The following BBS9 variants were observed in gnomAD, a reference collection of about 807,000 sequenced individuals.
BBS9 encodes the protein Bardet-Biedl syndrome 9.
BBS9 carries 89 observed loss-of-function variants against 117.7 expected under a neutral mutation model. That is an observed-to-expected ratio of 0.76 (90% CI 0.64 to 0.90). The LOEUF (loss-of-function observed/expected upper bound fraction) is 0.90. BBS9 is among the 40% of genes least tolerant of loss of function. The probability of loss-of-function intolerance (pLI) is 0.00; values close to 1 mark genes in which losing one functional copy is unlikely to be tolerated. For missense variants in BBS9, 982 were observed against 1,042.2 expected (o/e 0.94, Z 0.80); for synonymous variants, 379 against 370.9 (o/e 1.02, Z -0.25).
chr7:33,429,501 T>A (rs940626424), intron 19 of BBS9, among the ~76,000 whole-genome samples: 1 of 152,184 alleles, frequency 6.6e-6, no homozygotes, highest in Non-Finnish European at 1.5e-5. Flanking sequence ...ATACCACATT[T>A]AAGTGTGGTG....
At chr7:33,561,491 G>A (rs1399360843) in intron 21 of BBS9, among the ~76,000 whole-genome samples, 1 of 152,182 alleles carries the variant, frequency 6.6e-6, no homozygotes, top group East Asian at 1.9e-4. Context: ...TGAGTTGACA[G>A]AAACGATAAA....
chr7:33,261,275 A>G (rs906266961), intron 6 of BBS9, among the ~76,000 whole-genome samples: 14 of 152,124 alleles, frequency 9.2e-5, no homozygotes, highest in Non-Finnish European at 2.1e-4. Context: ...CTGATAGTAA[A>G]CATTTGTTTT....
chr7:33,421,179 A>AT (rs397962607), intron 19 of BBS9, among the ~76,000 whole-genome samples: 7,972 of 146,468 alleles, frequency 0.054, 234 homozygotes, highest in East Asian at 0.14. Flanking sequence ...AGGATTTTTA[A>AT]TTTTTTTTTT....
At chr7:33,519,911 A>G (rs1848352491) in intron 20 of BBS9, among the ~76,000 whole-genome samples, 1 of 152,190 alleles carries the variant, frequency 6.6e-6, no homozygotes. Flanking sequence ...TTACATCTAA[A>G]TCCTCAGTTG....
intron 21 of BBS9, among the ~76,000 whole-genome samples, chr7:33,572,797 T>A (rs1232260544): frequency 6.6e-6 from 1 of 152,054 alleles, no homozygotes; most frequent in Non-Finnish European, 1.5e-5. Flanking sequence ...TTTTCTTTCT[T>A]TTTTTTGCTA....
intron 19 of BBS9, among the ~76,000 whole-genome samples, chr7:33,487,846 A>G (rs1238858831): frequency 1.3e-5 from 2 of 152,184 alleles, no homozygotes; most frequent in Admixed American, 1.3e-4. Flanking sequence ...CTCTTTCCAC[A>G]TGCCCTTCTT....
intron 6 of BBS9, among the ~76,000 whole-genome samples, chr7:33,261,498 A>G (rs142791654): frequency 2.6e-5 from 4 of 152,358 alleles, no homozygotes; most frequent in East Asian, 1.9e-4. Context: ...GTTGAAATCA[A>G]CATAATAATG....
At chr7:33,173,300 G>A (rs560648881) in intron 4 of BBS9, among the ~76,000 whole-genome samples, 2 of 152,084 alleles carry the variant, frequency 1.3e-5, no homozygotes, top group South Asian at 2.1e-4. Flanking sequence ...GAAAAATTTG[G>A]CCGAGTGCAG....
intron 4 of BBS9, among the ~76,000 whole-genome samples, chr7:33,175,279 A>G (rs1797175709): frequency 6.6e-6 from 1 of 152,108 alleles, no homozygotes; most frequent in South Asian, 2.1e-4. Flanking sequence ...CATCCTGTGC[A>G]ACAGAGTGAG....
chr7:33,479,354 GTTCTAAT>G (rs1406263720), intron 19 of BBS9, among the ~76,000 whole-genome samples: 2 of 151,992 alleles, frequency 1.3e-5, no homozygotes, highest in Admixed American at 1.3e-4. Flanking sequence ...TTAGTTTTCT[GTTCTAAT>G]TTCTAATTTC....
At chr7:33,542,573 A>G (rs562788018) in intron 21 of BBS9, among the ~76,000 whole-genome samples, 1 of 151,412 alleles carries the variant, frequency 6.6e-6, no homozygotes, top group East Asian at 1.9e-4. Flanking sequence ...CAGTGAAAAC[A>G]TATGATGTTT....
chr7:33,439,443 C>G (rs548756194), intron 19 of BBS9, among the ~76,000 whole-genome samples: 139 of 152,010 alleles, frequency 9.1e-4, no homozygotes, highest in African/African-American at 3.3e-3. Flanking sequence ...CATTTCTCTT[C>G]TCAGCTTTCA....
chr7:33,342,480 A>G (rs1207146625), intron 11 of BBS9, among the ~76,000 whole-genome samples: 1 of 152,092 alleles, frequency 6.6e-6, no homozygotes, highest in Non-Finnish European at 1.5e-5. Context: ...TCTGTTTTTT[A>G]GGAACTTTTA....
At chr7:33,635,659 C>T (rs1296089893) in exon 22 of BBS9, among the ~76,000 whole-genome samples, 2 of 152,302 alleles carry the variant, frequency 1.3e-5, no homozygotes, top group Non-Finnish European at 1.5e-5. Flanking sequence ...ATTTCTTAGT[C>T]ACTGTTAGGT....
intron 19 of BBS9, among the ~76,000 whole-genome samples, chr7:33,482,702 T>C (rs1271382355): frequency 6.6e-6 from 1 of 152,190 alleles, no homozygotes; most frequent in Non-Finnish European, 1.5e-5. Flanking sequence ...GTTGAAATTA[T>C]ATGGTATTAA....
At chr7:33,396,666 A>G (rs915902550) in intron 19 of BBS9, among the ~76,000 whole-genome samples, 2 of 152,206 alleles carry the variant, frequency 1.3e-5, no homozygotes, top group African/African-American at 4.8e-5. Context: ...TAAAATTCGT[A>G]TGGAACCAAA....
chr7:33,466,263 C>T (rs540747417), intron 19 of BBS9, among the ~76,000 whole-genome samples: 1 of 152,184 alleles, frequency 6.6e-6, no homozygotes, highest in South Asian at 2.1e-4. Context: ...CTTATTCATC[C>T]TCCATGAATA....
At chr7:33,309,154 C>T (rs1387839195) in intron 9 of BBS9, among the ~76,000 whole-genome samples, 1 of 152,108 alleles carries the variant, frequency 6.6e-6, no homozygotes, top group East Asian at 1.9e-4. Context: ...AGTAGGGGGT[C>T]TTTAAATAAA....
At chr7:33,250,644 T>G (rs1796077177) in intron 5 of BBS9, among the ~76,000 whole-genome samples, 1 of 152,240 alleles carries the variant, frequency 6.6e-6, no homozygotes. Context: ...TGGATCAATC[T>G]CTACATATTT....
Sources: gnomAD v4.1 joint callset for allele counts (sites outside exome capture counted in the v4.1 genomes callset) on GRCh38, gnomAD v4.1.1 for gene constraint, MANE v1.5 for transcripts, NCBI Gene and HGNC (gene_info 2026-07-23, HGNC 2026-07-21) for gene names.